The following SOX6 variants were observed in gnomAD, a reference collection of about 807,000 sequenced individuals.
SOX6 encodes transcription factor SOX-6.
A neutral mutation model predicts 97.8 loss-of-function variants in SOX6; 11 were observed. The observed-to-expected ratio is 0.11, with a 90% CI of 0.07 to 0.19. SOX6 has a LOEUF of 0.19. Ranked by LOEUF, SOX6 falls within the 10% of genes least tolerant of loss-of-function variation. The pLI is 1.00. For missense variants in SOX6, 810 were observed against 1,039.5 expected (o/e 0.78, Z 3.04); for synonymous variants, 360 against 371.4 (o/e 0.97, Z 0.35).
At chr11:16,604,453 C>T (rs1021707428) in intron 4 of SOX6, among the ~76,000 whole-genome samples, 29 of 152,176 alleles carry the variant, frequency 1.9e-4, no homozygotes, top group African/African-American at 7.0e-4. Flanking sequence ...GGGGCCCTCT[C>T]TCATCTCTAC....
intron 12 of SOX6, chr11:16,015,451 T>C (rs1590131254): frequency 5.1e-6 from 1 of 196,350 alleles, no homozygotes. Context: ...TTAGAGATCA[T>C]AGTTTGCATT....
intron 6 of SOX6, among the ~76,000 whole-genome samples, chr11:16,125,675 T>C (rs1311875448): frequency 6.6e-6 from 1 of 151,922 alleles, no homozygotes; most frequent in African/African-American, 2.4e-5. Flanking sequence ...CTCAGTGCAA[T>C]CACAGCTGAA....
At chr11:16,350,266 T>C (rs1163551979) in intron 1 of SOX6, among the ~76,000 whole-genome samples, 1 of 152,174 alleles carries the variant, frequency 6.6e-6, no homozygotes, top group African/African-American at 2.4e-5. Flanking sequence ...ATGAAGACAT[T>C]GGTTGAACAT....
intron 6 of SOX6, among the ~76,000 whole-genome samples, chr11:16,150,018 T>C (rs891934877): frequency 6.6e-6 from 1 of 152,140 alleles, no homozygotes; most frequent in Non-Finnish European, 1.5e-5. Context: ...TTTGGAAGCA[T>C]TTTAGAGATT....
chr11:16,474,211 T>C (rs1360186645), intron 1 of SOX6, among the ~76,000 whole-genome samples: 2 of 152,188 alleles, frequency 1.3e-5, no homozygotes, highest in Non-Finnish European at 2.9e-5. Flanking sequence ...GAAGTCTTGA[T>C]CCCTTCAAAG....
intron 4 of SOX6, among the ~76,000 whole-genome samples, chr11:16,199,012 A>G (rs553867707): frequency 4.6e-5 from 7 of 152,342 alleles, no homozygotes; most frequent in African/African-American, 1.7e-4. Flanking sequence ...CACAAACATG[A>G]CTACATGTCT....
At chr11:16,168,596 G>C (rs189327904) in intron 6 of SOX6, among the ~76,000 whole-genome samples, 12 of 152,188 alleles carry the variant, frequency 7.9e-5, no homozygotes, top group Admixed American at 7.9e-4. Flanking sequence ...TAGAAAGCAA[G>C]GATGCTAAGG....
intron 1 of SOX6, among the ~76,000 whole-genome samples, chr11:16,351,609 T>C (rs1466460457): frequency 1.3e-5 from 2 of 152,068 alleles, no homozygotes; most frequent in Non-Finnish European, 2.9e-5. Flanking sequence ...CCAATCTTTA[T>C]ACATTTATCT....
chr11:16,281,713 T>C (rs1854570153), intron 3 of SOX6, among the ~76,000 whole-genome samples: 1 of 151,858 alleles, frequency 6.6e-6, no homozygotes, highest in Admixed American at 6.6e-5. Flanking sequence ...TATTTAAGCT[T>C]CATTAAATGT....
chr11:16,633,650 T>C (rs1848744518), intron 3 of SOX6, among the ~76,000 whole-genome samples: 1 of 152,184 alleles, frequency 6.6e-6, no homozygotes, highest in Non-Finnish European at 1.5e-5. Context: ...AGTGTCTTTA[T>C]AGCTGGGAAA....
intron 3 of SOX6, among the ~76,000 whole-genome samples, chr11:16,271,175 A>G (rs191920489): frequency 1.3e-5 from 2 of 151,488 alleles, no homozygotes; most frequent in Non-Finnish European, 3.0e-5. Context: ...CCATAAATAT[A>G]ATATATTCTA....
At chr11:16,214,304 T>C (rs542088287) in intron 4 of SOX6, among the ~76,000 whole-genome samples, 25 of 152,310 alleles carry the variant, frequency 1.6e-4, no homozygotes, top group South Asian at 1.4e-3. Context: ...AATCTCACCC[T>C]AGAATCAAAG....
In SOX6 at chr11:16,300,798, GTTTTCT is replaced by G. The variant is rs1233676081; in HGVS notation, c.445+17642_445+17647del. On this transcript the variant is annotated intron_variant, in intron 3 of 15. Transcript: ENST00000683767. The surrounding 1 kb of genome is among the most constrained non-coding windows in gnomAD (Gnocchi z 4.1). ...TCTACATGTCTAAGAAGAATACAGAGTTTTCTTTGGCCATTAAATGTTAAAGCCTGT... is the reference window on the plus strand; with the variant it reads ...TCTACATGTCTAAGAAGAATACAGAGTTGGCCATTAAATGTTAAAGCCTGT... 1.8e-4 allele frequency among the ~76,000 whole-genome samples: 28 copies of G among 152,140 alleles called. No homozygotes were observed. The highest frequency in any genetic ancestry group is 2.9e-5 in the Non-Finnish European group (2 of 68,028).
Position 16,597,334 on chromosome 11 carries a change from G to A in SOX6, n.609+14747C>T, listed in dbSNP as rs199903031. On this transcript the variant is annotated intron_variant and non_coding_transcript_variant, in intron 4 of 5. Transcript: ENST00000524520. ...TATATGTATGTATGTATGTATATGT[G>A]TGTGTGTATATATATATATTAAATA... 3.9e-4 allele frequency among the ~76,000 whole-genome samples: 32 copies of A among 83,036 alleles called. No individual in the cohort carries two copies. In the East Asian group the frequency reaches 5.2e-3, roughly 13 times the overall value. The allele number at this position is 83,036 out of a possible 152,430, so 54.5% of individuals were successfully genotyped here.
intron 3 of SOX6, among the ~76,000 whole-genome samples, chr11:16,269,526 T>G (rs992084707): frequency 3.3e-5 from 5 of 150,802 alleles, no homozygotes. Flanking sequence ...AATTAACTTA[T>G]AAATAACTAA....
At chr11:16,723,926 G>A (rs1309154841) in intron 2 of SOX6, among the ~76,000 whole-genome samples, 2 of 152,078 alleles carry the variant, frequency 1.3e-5, no homozygotes, top group African/African-American at 4.8e-5. Flanking sequence ...GAAACTTGAC[G>A]CCCAAAGAAT....
intron 9 of SOX6, among the ~76,000 whole-genome samples, chr11:16,088,795 C>G (rs192160285): frequency 2.6e-5 from 4 of 152,272 alleles, no homozygotes; most frequent in Non-Finnish European, 5.9e-5. Context: ...TGTAGGGTGA[C>G]AGCAGCTCTA....
chr11:16,205,620 C>T (rs895807886), intron 4 of SOX6, among the ~76,000 whole-genome samples: 2 of 151,600 alleles, frequency 1.3e-5, no homozygotes, highest in Admixed American at 1.3e-4. Context: ...AGATAAATCA[C>T]GTAAGTATAT....
At chr11:16,182,835 C>T (rs190598145) in intron 6 of SOX6, among the ~76,000 whole-genome samples, 1 of 151,416 alleles carries the variant, frequency 6.6e-6, no homozygotes, top group African/African-American at 2.4e-5. Context: ...AAGCAAGGAT[C>T]GAAGGTAAAA....
Sources: gnomAD v4.1 joint callset for allele counts (sites outside exome capture counted in the v4.1 genomes callset) on GRCh38, gnomAD v4.1.1 for gene constraint, Gnocchi (gnomAD v3.1) non-coding constraint, MANE v1.5 for transcripts, NCBI Gene and HGNC (gene_info 2026-07-23, HGNC 2026-07-21) for gene names.